FBXO38: variants seen among roughly 807,000 people sequenced by gnomAD.
The protein encoded by FBXO38 is F-box protein 38.
Under a neutral mutation model 131.9 loss-of-function variants are expected in FBXO38, and 53 were observed. The observed-to-expected ratio is 0.40, with a 90% CI of 0.32 to 0.51. The LOEUF (loss-of-function observed/expected upper bound fraction) is 0.51, where lower values mean the gene tolerates loss of function less well. Ranked by LOEUF, FBXO38 falls within the 20% of genes least tolerant of loss-of-function variation. FBXO38 has a pLI of 0.53. For missense variants in FBXO38, 1,076 were observed against 1,475.6 expected, an observed-to-expected ratio of 0.73 and a Z score of 4.44; for synonymous variants, 452 against 505.6, an observed-to-expected ratio of 0.89 and a Z score of 1.42.
rs747143603 is a variant in FBXO38, at chr5:148,425,473, A to T, written c.1739-49A>T. 6.0e-5 allele frequency: 87 copies of T among 1,450,152 alleles called. No homozygotes were observed. In the Admixed American group the frequency reaches 1.5e-3, roughly 25 times the overall value. 89.8% of individuals were successfully genotyped at this position (1,450,152 alleles called of 1,614,324 possible). ...CCCTGGAAACAGTACTTTGCATTAG[A>T]TCCTTTCTTGCGCAAAAAGTAACTG... is the stretch of plus-strand genomic sequence containing the variant. On this transcript the variant is annotated intron_variant, in intron 13 of 21. Transcript: ENST00000340253.
chr5:148,435,812 CT>C (rs1432110198), intron 17 of FBXO38, among the ~76,000 whole-genome samples: 5 of 152,080 alleles, frequency 3.3e-5, no homozygotes, highest in Admixed American at 3.3e-4. Context: ...GTGACTCTTC[CT>C]TTTACTTGAA....
chr5:148,412,084 GT>G (rs773551061), intron 9 of FBXO38, among the ~76,000 whole-genome samples: 17 of 152,024 alleles, frequency 1.1e-4, no homozygotes, highest in Non-Finnish European at 1.8e-4. Flanking sequence ...CTCAACATAT[GT>G]TTTCAATAGC....
chr5:148,424,961 A>G (rs775244214), intron 13 of FBXO38, among the ~76,000 whole-genome samples: 7 of 152,222 alleles, frequency 4.6e-5, no homozygotes, highest in African/African-American at 7.2e-5. Flanking sequence ...TGCCAAGCAG[A>G]TAAAACATTT....
At position 148,427,525 on chromosome 5, in the gene FBXO38, T is replaced by C. The variant is rs372364064; in HGVS notation, c.2231T>C (p.Val744Ala). The change falls in exon 15 of 22, where the codon GTG becomes GCG. Residue 744 changes from valine to alanine, a missense_variant. Physicochemically the swap from Val to Ala is moderately conservative, Grantham distance 64. Around this residue, in one of 8 missense-constraint regions of FBXO38, gnomAD observed 213 missense variants for 225.2 expected, o/e 0.95. Transcript: ENST00000340253. ...GGSSEPSPTE[V>A]DVSRQCACSP... ...TCTTCCGAGCCTAGCCCTACAGAAG[T>C]GGATGTGTCCAGGCAGTGTGCCTGC... 19 of 1,614,010 alleles carry C rather than the reference T, an allele frequency of 1.2e-5. No individual in the cohort carries two copies. The African/African-American group carries it at 2.5e-4, about 22-fold the overall frequency.
At chr5:148,394,060 G>A (rs1301295318) in intron 1 of FBXO38, among the ~76,000 whole-genome samples, 3 of 152,036 alleles carry the variant, frequency 2.0e-5, no homozygotes, top group Non-Finnish European at 4.4e-5. Flanking sequence ...GAAATACCAT[G>A]TCAATATTCA....
intron 12 of FBXO38, among the ~76,000 whole-genome samples, chr5:148,422,587 C>T (rs1276762969): frequency 6.6e-6 from 1 of 152,168 alleles, no homozygotes; most frequent in African/African-American, 2.4e-5. Flanking sequence ...TTGAATTTCA[C>T]CACTGTTTCT....
intron 17 of FBXO38, 29 bp from the exon 18 acceptor site, chr5:148,438,299 TGTAC>T (rs777060504): frequency 1.3e-6 from 2 of 1,598,194 alleles, no homozygotes; most frequent in East Asian, 4.5e-5. Flanking sequence ...AAAGATGATA[TGTAC>T]GGAGCTTACC....
At chr5:148,389,997 C>T (rs943613498) in intron 1 of FBXO38, 2 of 151,920 alleles carry the variant, frequency 1.3e-5, no homozygotes, top group African/African-American at 4.9e-5. Flanking sequence ...CCATTGCACT[C>T]CAGCCTGGGC....
chr5:148,391,705 T>C (rs373661988), intron 1 of FBXO38, among the ~76,000 whole-genome samples: 1 of 152,218 alleles, frequency 6.6e-6, no homozygotes, highest in East Asian at 1.9e-4. Context: ...GGATTCCTTG[T>C]AGGCCGATTG....
chr5:148,390,507 G>T (rs933170090), intron 1 of FBXO38, among the ~76,000 whole-genome samples: 3 of 152,184 alleles, frequency 2.0e-5, no homozygotes, highest in African/African-American at 4.8e-5. Context: ...AATTCTAGCC[G>T]TGATGTAAGA....
chr5:148,433,372 G>C, intron 15 of FBXO38, 52 bp from the exon 16 acceptor site: 4 of 1,310,458 alleles, frequency 3.1e-6, no homozygotes, highest in Non-Finnish European at 4.4e-6. Context: ...TGTGCTTGAG[G>C]GAAAGAAAGC....
At position 148,402,088 on chromosome 5, in the gene FBXO38, T is replaced by C. The variant is rs1472383552; in HGVS notation, c.369T>C (p.His123=). 1 of 1,613,704 alleles carries C rather than the reference T, an allele frequency of 6.2e-7. No homozygotes were observed. Among genetic ancestry groups the C allele is most frequent in the Non-Finnish European group, 8.5e-7 (1 of 1,179,656 alleles). The part of the protein sequence containing the change: ...RYLERRRVRG[H]EAFSIPGVLE... Reference sequence around the variant, plus strand: ...TTGAGAGGCGAAGAGTAAGGGGCCATGAGGCTTTTAGCATTCCAGGAGTCC... The same window carrying C: ...TTGAGAGGCGAAGAGTAAGGGGCCACGAGGCTTTTAGCATTCCAGGAGTCC... The change falls in exon 4 of 22, where the codon CAT becomes CAC. Residue 123 remains histidine, a synonymous_variant. Coordinates refer to ENST00000340253, the MANE Select transcript of FBXO38 (RefSeq NM_205836.3).
chr5:148,421,988 T>G (rs2113609394), intron 12 of FBXO38, among the ~76,000 whole-genome samples: 1 of 152,094 alleles, frequency 6.6e-6, no homozygotes, highest in East Asian at 1.9e-4. Context: ...CTGAAACATC[T>G]CTCCAGTATG....
intron 1 of FBXO38, among the ~76,000 whole-genome samples, chr5:148,385,311 A>G (rs1166542973): frequency 6.6e-6 from 1 of 152,190 alleles, no homozygotes; most frequent in Non-Finnish European, 1.5e-5. Context: ...AGAGGTACAC[A>G]CTTTATATTT....
Position 148,393,185 on chromosome 5 carries a change from A to AG in FBXO38, c.-63-1525dup, listed in dbSNP as rs1197576360. ...CCGTACTGGTTAGAAACAACAGAAG[A>AG]GGGGTGTGTGTGTGTGTGTGTGTGT... On this transcript the variant is annotated intron_variant, in intron 1 of 21. Transcript: ENST00000340253. Among the ~76,000 whole-genome samples the AG allele has an allele frequency of 3.8e-4, 32 of 83,450 alleles. 1 individual carries two copies. The highest frequency in any genetic ancestry group is 1.7e-3 in the African/African-American group (30 of 17,516). 54.7% of individuals were successfully genotyped at this position (83,450 alleles called of 152,430 possible). A position where few individuals can be genotyped will look rare whatever the true frequency, so the allele number is the denominator to read the frequency against.
intron 17 of FBXO38, 25 bp from the exon 18 acceptor site, chr5:148,438,307 G>A (rs1406628490): frequency 6.2e-7 from 1 of 1,612,168 alleles, no homozygotes. Flanking sequence ...TATGTACGGA[G>A]CTTACCATTG....
chr5:148,439,803 T>C lies in FBXO38; in HGVS notation c.3170+11T>C, dbSNP rs10051223. ...AGCAAACATCAATCAGTAAGTAACT[T>C]TGTGGCCCTTAAAGGCCTTTTGAGT... is the stretch of plus-strand genomic sequence containing the variant. On this transcript the variant is annotated intron_variant, in intron 19 of 21. Coordinates refer to ENST00000340253, the MANE Select transcript of FBXO38 (RefSeq NM_205836.3). The C allele has an allele frequency of 0.32, 515,381 of 1,612,184 alleles. 91,265 individuals carry two copies. The highest frequency in any genetic ancestry group is 0.69 in the African/African-American group (51,697 of 74,892).
At chr5:148,389,535 T>A (rs1278475175) in intron 1 of FBXO38, among the ~76,000 whole-genome samples, 1 of 152,228 alleles carries the variant, frequency 6.6e-6, no homozygotes, top group African/African-American at 2.4e-5. Flanking sequence ...CTTTCTTTTT[T>A]AACCTACTAC....
intron 7 of FBXO38, among the ~76,000 whole-genome samples, chr5:148,407,862 A>G (rs1752526359): frequency 6.6e-6 from 1 of 151,858 alleles, no homozygotes; most frequent in South Asian, 2.1e-4. Context: ...GAGGCAGAGC[A>G]TGCAGTGAGC....
Sources: gnomAD v4.1 joint callset for allele counts (sites outside exome capture counted in the v4.1 genomes callset) on GRCh38, gnomAD v4.1.1 for gene constraint, gnomAD v4.1.1 regional missense constraint, MANE v1.5 for transcripts, NCBI Gene and HGNC (gene_info 2026-07-23, HGNC 2026-07-21) for gene names.